Variants in MYO5B observed in about 807,000 individuals in gnomAD.
The protein encoded by MYO5B is unconventional myosin-Vb.
Under a neutral mutation model 229.3 loss-of-function variants are expected in MYO5B, and 143 were observed. The observed-to-expected ratio is 0.62, with a 90% confidence interval of 0.54 to 0.72. The LOEUF (loss-of-function observed/expected upper bound fraction) is 0.72. Ranked by LOEUF, MYO5B falls within the 30% of genes least tolerant of loss-of-function variation. The pLI is 0.00. For missense variants in MYO5B, 2,321 were observed against 2,331.0 expected (o/e 1.00, Z 0.09); for synonymous variants, 918 against 885.2 (o/e 1.04, Z -0.66).
intron 1 of MYO5B, among the ~76,000 whole-genome samples, chr18:50,153,343 G>A (rs116156910): frequency 6.6e-6 from 1 of 152,326 alleles, no homozygotes; most frequent in African/African-American, 2.4e-5. Flanking sequence ...TGCAACAAGA[G>A]ATGTCAGTGT....
chr18:49,929,099 C>G (rs2025160718), intron 17 of MYO5B, among the ~76,000 whole-genome samples: 1 of 151,960 alleles, frequency 6.6e-6, no homozygotes, highest in Admixed American at 6.5e-5. Flanking sequence ...CCACTTGTTC[C>G]CCCAAAAAAC....
At chr18:49,957,775 C>T (rs1476326294) in intron 12 of MYO5B, among the ~76,000 whole-genome samples, 1 of 152,078 alleles carries the variant, frequency 6.6e-6, no homozygotes, top group Non-Finnish European at 1.5e-5. Flanking sequence ...CACCAACCTT[C>T]CTGGTCACTC....
At position 49,823,174 on chromosome 18, in the gene MYO5B, T is replaced by G. The variant is rs1040601442; in HGVS notation, c.*3297A>C. 2 of 151,706 alleles carry G rather than the reference T, an allele frequency of 1.3e-5. No homozygotes were observed. The highest frequency in any genetic ancestry group is 1.3e-4 in the Admixed American group (2 of 15,218). 9.4% of individuals were successfully genotyped at this position (151,706 alleles called of 1,614,324 possible). On this transcript the variant is annotated 3_prime_UTR_variant, in exon 40 of 40. Coordinates refer to ENST00000285039, the MANE Select transcript of MYO5B (RefSeq NM_001080467.3). The stretch of plus-strand genomic sequence containing the variant: ...CTTTTGTATCTAATGACCTTTATAA[T>G]AAAAAAAACCCTGTCCTGTGTTTCT...
rs375823626 is a variant in MYO5B, at chr18:49,864,277, G to A, written c.3707C>T (p.Ser1236Phe). The A allele has an allele frequency of 6.8e-6, 11 of 1,614,212 alleles. No individual in the cohort carries two copies. The highest frequency in any genetic ancestry group is 1.6e-4 in the Middle Eastern group (1 of 6,062). Residue 1236 changes from serine to phenylalanine, a missense_variant, in exon 28 of 40, where the codon TCC becomes TTC. By Grantham distance (155) the Ser-to-Phe change is radical. Around this residue, in one of 2 missense-constraint regions of MYO5B, gnomAD observed 2,113 missense variants for 2,044.7 expected, o/e 1.03. Coordinates refer to ENST00000285039, the MANE Select transcript of MYO5B (RefSeq NM_001080467.3). ...QATQNNSSHG[S>F]PDSYSLLLNQ... The stretch of plus-strand genomic sequence containing the variant: ...CAGCAGGAGGCTGTAGCTATCTGGG[G>A]AGCCGTGGCTGGAGTTATTCTGCGT...
intron 26 of MYO5B, among the ~76,000 whole-genome samples, chr18:49,873,860 G>T (rs1183302560): frequency 6.6e-6 from 1 of 152,156 alleles, no homozygotes; most frequent in Non-Finnish European, 1.5e-5. Flanking sequence ...CTGTCATAGA[G>T]GCCCCACCCT....
In MYO5B at chr18:50,113,270, G is replaced by C. The variant is rs80233931; in HGVS notation, c.28-57892C>G. ...GGCTTCCCTGCCCTCAGGAAGCTTC[G>C]CATCCTAAAGCAGTATCAAGGGGTG... On this transcript the variant is annotated intron_variant, in intron 1 of 39. Coordinates refer to ENST00000285039, the MANE Select transcript of MYO5B (RefSeq NM_001080467.3). 5.3e-5 allele frequency among the ~76,000 whole-genome samples: 8 copies of C among 152,252 alleles called. No homozygotes were observed. The South Asian group carries it at 6.2e-4, about 12-fold the overall frequency.
chr18:50,139,724 A>C (rs922107672), intron 1 of MYO5B, among the ~76,000 whole-genome samples: 1 of 152,116 alleles, frequency 6.6e-6, no homozygotes, highest in South Asian at 2.1e-4. Context: ...CCTTCTATCC[A>C]CATGTCCCGA....
chr18:49,899,933 T>TA (rs1490606577), intron 21 of MYO5B, among the ~76,000 whole-genome samples: 5 of 149,970 alleles, frequency 3.3e-5, no homozygotes, highest in Non-Finnish European at 4.4e-5. Flanking sequence ...TTTTATTTTT[T>TA]TTTTAAATAG....
At chr18:50,189,881 T>C (rs2033204101) in intron 1 of MYO5B, among the ~76,000 whole-genome samples, 1 of 152,154 alleles carries the variant, frequency 6.6e-6, no homozygotes, top group African/African-American at 2.4e-5. Flanking sequence ...AGAAGATCTA[T>C]TTTTCAAATG....
intron 1 of MYO5B, among the ~76,000 whole-genome samples, chr18:50,155,829 G>C (rs998490083): frequency 5.3e-5 from 8 of 152,210 alleles, no homozygotes; most frequent in African/African-American, 1.4e-4. Context: ...ATCCAAAAGT[G>C]CTTTATGAAA....
At chr18:49,949,357 T>C (rs902344303) in intron 14 of MYO5B, among the ~76,000 whole-genome samples, 54 of 151,700 alleles carry the variant, frequency 3.6e-4, no homozygotes, top group African/African-American at 1.3e-3. Flanking sequence ...AAAACCTCCA[T>C]CCTTTAGTAT....
chr18:50,163,327 G>A (rs891268307), intron 1 of MYO5B, among the ~76,000 whole-genome samples: 11 of 152,208 alleles, frequency 7.2e-5, no homozygotes, highest in Non-Finnish European at 1.3e-4. Flanking sequence ...TCATGTCAGG[G>A]TGGTACCCTC....
intron 18 of MYO5B, among the ~76,000 whole-genome samples, chr18:49,907,104 T>A (rs1239126351): frequency 1.3e-5 from 2 of 152,062 alleles, no homozygotes; most frequent in African/African-American, 4.8e-5. Context: ...GATGCCTATG[T>A]CCAGTGGTGC....
At chr18:50,177,161 A>T (rs34372184) in intron 1 of MYO5B, among the ~76,000 whole-genome samples, 51,514 of 150,170 alleles carry the variant, frequency 0.34, 8,822 homozygotes, top group Admixed American at 0.39. Context: ...TTATTTTTTT[A>T]AAAAAGTTGG....
At chr18:49,921,615 C>T (rs528099307) in intron 17 of MYO5B, among the ~76,000 whole-genome samples, 9 of 152,264 alleles carry the variant, frequency 5.9e-5, no homozygotes, top group South Asian at 4.1e-4. Flanking sequence ...TAGGGAAGCC[C>T]GAGGGCAGGC....
intron 30 of MYO5B, among the ~76,000 whole-genome samples, chr18:49,855,159 C>G (rs1304841202): frequency 1.3e-5 from 2 of 152,194 alleles, no homozygotes; most frequent in Non-Finnish European, 2.9e-5. Context: ...TGAGAGAGAA[C>G]AGACACTCTT....
chr18:50,077,869 A>C (rs572497773), intron 1 of MYO5B, among the ~76,000 whole-genome samples: 1 of 152,220 alleles, frequency 6.6e-6, no homozygotes, highest in Non-Finnish European at 1.5e-5. Flanking sequence ...CGGTTCCTAC[A>C]TACTACAATA....
intron 18 of MYO5B, among the ~76,000 whole-genome samples, chr18:49,910,568 T>TAA (rs879465681): frequency 7.0e-6 from 1 of 142,524 alleles, no homozygotes. Flanking sequence ...TTACCCTGTT[T>TAA]AAAAAAAAAA....
At chr18:50,013,858 C>T (rs1041784340) in intron 4 of MYO5B, among the ~76,000 whole-genome samples, 2 of 152,134 alleles carry the variant, frequency 1.3e-5, no homozygotes, top group African/African-American at 4.8e-5. Flanking sequence ...CTTGGGTTTC[C>T]CTGGCAGGAC....
Sources: gnomAD v4.1 joint callset for allele counts (sites outside exome capture counted in the v4.1 genomes callset) on GRCh38, gnomAD v4.1.1 for gene constraint, gnomAD v4.1.1 regional missense constraint, MANE v1.5 for transcripts, NCBI Gene and HGNC (gene_info 2026-07-23, HGNC 2026-07-21) for gene names.